The following HS6ST3 variants were observed in gnomAD, a reference collection of about 807,000 sequenced individuals.
HS6ST3 encodes the protein heparan-sulfate 6-O-sulfotransferase 3.
A neutral mutation model predicts 36.7 loss-of-function variants in HS6ST3; 12 were observed. The observed-to-expected ratio is 0.33, with a 90% confidence interval of 0.21 to 0.53. HS6ST3 has a LOEUF of 0.53. Ranked by LOEUF, HS6ST3 falls within the 20% of genes least tolerant of loss-of-function variation. The pLI is 0.95. For missense variants in HS6ST3, 584 were observed against 640.9 expected, an observed-to-expected ratio of 0.91 and a Z score of 0.96; for synonymous variants, 240 against 257.5, an observed-to-expected ratio of 0.93 and a Z score of 0.65.
At chr13:96,344,337 CAT>C (rs2055143763) in intron 1 of HS6ST3, among the ~76,000 whole-genome samples, 1 of 152,048 alleles carries the variant, frequency 6.6e-6, no homozygotes. Context: ...ATAGAAATAA[CAT>C]GTGAGGAAGG....
chr13:96,253,549 C>G (rs1304436242), intron 1 of HS6ST3, among the ~76,000 whole-genome samples: 1 of 152,182 alleles, frequency 6.6e-6, no homozygotes, highest in Non-Finnish European at 1.5e-5. Context: ...ACAAAGTACT[C>G]TCATCCATGA....
intron 1 of HS6ST3, among the ~76,000 whole-genome samples, chr13:96,686,705 GT>G (rs1874791041): frequency 6.6e-6 from 1 of 151,996 alleles, no homozygotes; most frequent in Non-Finnish European, 1.5e-5. Context: ...AAGTTACAAT[GT>G]CATATATTTG....
chr13:96,107,394 G>A (rs988226843), intron 1 of HS6ST3, among the ~76,000 whole-genome samples: 1 of 152,140 alleles, frequency 6.6e-6, no homozygotes, highest in Non-Finnish European at 1.5e-5. Flanking sequence ...TCGGGACAAG[G>A]TGTTGGATGG....
intron 1 of HS6ST3, among the ~76,000 whole-genome samples, chr13:96,604,676 A>T (rs74107942): frequency 0.017 from 2,635 of 152,288 alleles, 74 homozygotes; most frequent in African/African-American, 0.059. Flanking sequence ...TTGTGATACA[A>T]TGCCATGAAT....
At chr13:96,697,543 A>G (rs996045808) in intron 1 of HS6ST3, among the ~76,000 whole-genome samples, 1 of 152,210 alleles carries the variant, frequency 6.6e-6, no homozygotes, top group East Asian at 1.9e-4. Flanking sequence ...CATATAATGA[A>G]TAAGAAAACA....
intron 1 of HS6ST3, among the ~76,000 whole-genome samples, chr13:96,757,553 A>G (rs1876863215): frequency 6.6e-6 from 1 of 152,070 alleles, no homozygotes; most frequent in South Asian, 2.1e-4. Flanking sequence ...ATTTGTCTCG[A>G]TCTTAGGGTA....
rs151176834 is a variant in HS6ST3 at position 96,173,166 on chromosome 13, A to G, written c.707+81597A>G. On this transcript the variant is annotated intron_variant, in intron 1 of 1. Transcript: ENST00000376705. ...TGATGAAGAAAATAAATCAGATAAA[A>G]GAGAAAGAGAATGATAAATATGTCA... Among the ~76,000 whole-genome samples, 21 of 152,290 alleles carry G rather than the reference A, an allele frequency of 1.4e-4. No individual in the cohort carries two copies. The East Asian group carries it at 4.1e-3, about 29-fold the overall frequency.
intron 1 of HS6ST3, among the ~76,000 whole-genome samples, chr13:96,772,712 A>C (rs928481343): frequency 1.3e-5 from 2 of 152,242 alleles, no homozygotes; most frequent in African/African-American, 4.8e-5. Flanking sequence ...GGTATATAAT[A>C]AGCCTTCAAT....
chr13:96,810,257 C>T (rs1160615011), intron 1 of HS6ST3, among the ~76,000 whole-genome samples: 1 of 152,082 alleles, frequency 6.6e-6, no homozygotes, highest in African/African-American at 2.4e-5. Flanking sequence ...CTCCATTTGT[C>T]CTGGACTTTA....
intron 1 of HS6ST3, among the ~76,000 whole-genome samples, chr13:96,438,267 T>C (rs1204178360): frequency 1.3e-5 from 2 of 152,228 alleles, no homozygotes; most frequent in Non-Finnish European, 2.9e-5. Context: ...GTTTGGTATA[T>C]AAAACAAGAG....
rs74106469 is a variant in HS6ST3 at position 96,475,631 on chromosome 13, G to T, written c.708-356859G>T. Among the ~76,000 whole-genome samples the T allele has an allele frequency of 4.7e-3, 628 of 133,328 alleles. 1 individual carries two copies. The highest frequency in any genetic ancestry group is 7.7e-3 in the Non-Finnish European group (473 of 61,556). The allele number at this position is 133,328 out of a possible 152,430, so 87.5% of individuals were successfully genotyped here. On this transcript the variant is annotated intron_variant, in intron 1 of 1. Coordinates refer to ENST00000376705, the MANE Select transcript of HS6ST3 (RefSeq NM_153456.4). ...TACTACCAAAAAAAAAAAAAAAAAAGAAAAGAAAGAAAATTGTCCTAAATT... is the reference window on the plus strand; with the variant it reads ...TACTACCAAAAAAAAAAAAAAAAAATAAAAGAAAGAAAATTGTCCTAAATT...
At chr13:96,358,917 T>TAGAG (rs1416750532) in intron 1 of HS6ST3, among the ~76,000 whole-genome samples, 3 of 148,768 alleles carry the variant, frequency 2.0e-5, no homozygotes, top group East Asian at 2.0e-4. Flanking sequence ...TCTATCTATC[T>TAGAG]AGAGAGAGAT....
At chr13:96,678,355 T>C (rs938671630) in intron 1 of HS6ST3, among the ~76,000 whole-genome samples, 1 of 152,004 alleles carries the variant, frequency 6.6e-6, no homozygotes, top group Admixed American at 6.6e-5. Flanking sequence ...CCAAGACAAT[T>C]AGTATAGCAT....
chr13:96,632,877 C>A (rs1471597547), intron 1 of HS6ST3, among the ~76,000 whole-genome samples: 1 of 152,122 alleles, frequency 6.6e-6, no homozygotes, highest in Non-Finnish European at 1.5e-5. Context: ...CTGAATACAC[C>A]AGGCAAGATA....
In HS6ST3 at chr13:96,091,162, G is replaced by A. The variant is rs1247316859; in HGVS notation, c.300G>A (p.Glu100=). ...ACGAGGAGCCCGGAGACCCCCGGGA[G>A]GGGGAGGAAGAGGAGGAGGAAGACG... ...EEDEEPGDPR[E]GEEEEEEDEP... The change falls in exon 1 of 2, where the codon GAG becomes GAA. Residue 100 remains glutamate, a synonymous_variant. Coordinates refer to ENST00000376705, the MANE Select transcript of HS6ST3 (RefSeq NM_153456.4). 4 of 1,543,580 alleles carry A rather than the reference G, an allele frequency of 2.6e-6. No individual in the cohort carries two copies. Among genetic ancestry groups the A allele is most frequent in the East Asian group, 4.9e-5 (2 of 40,552 alleles).
At chr13:96,093,114 C>T (rs981273334) in intron 1 of HS6ST3, among the ~76,000 whole-genome samples, 1 of 152,134 alleles carries the variant, frequency 6.6e-6, no homozygotes, top group African/African-American at 2.4e-5. Flanking sequence ...AGATTAATTC[C>T]TGATTGACCT....
At chr13:96,384,474 T>C (rs930235728) in intron 1 of HS6ST3, among the ~76,000 whole-genome samples, 1 of 152,180 alleles carries the variant, frequency 6.6e-6, no homozygotes, top group Non-Finnish European at 1.5e-5. Flanking sequence ...TATTGCTTTG[T>C]TTGCCAATGA....
At chr13:96,720,912 C>A (rs1437626623) in intron 1 of HS6ST3, among the ~76,000 whole-genome samples, 1 of 152,134 alleles carries the variant, frequency 6.6e-6, no homozygotes, top group East Asian at 1.9e-4. Context: ...ATTAGCATAT[C>A]ATCCTGTTCT....
intron 1 of HS6ST3, among the ~76,000 whole-genome samples, chr13:96,126,879 C>T (rs2053954647): frequency 6.6e-6 from 1 of 152,098 alleles, no homozygotes; most frequent in Non-Finnish European, 1.5e-5. Flanking sequence ...CTTTAGTCTT[C>T]TCCTTCACCT....
Sources: allele counts gnomAD v4.1 joint callset (sites outside exome capture counted in the v4.1 genomes callset), GRCh38; gene constraint gnomAD v4.1.1; transcripts MANE v1.5; gene names NCBI Gene and HGNC (gene_info 2026-07-23, HGNC 2026-07-21).